ATP8B1: variants seen among roughly 807,000 people sequenced by gnomAD.
The protein encoded by ATP8B1 is phospholipid-transporting ATPase IC.
ATP8B1 carries 80 observed loss-of-function variants against 149.9 expected under a neutral mutation model. That is an observed-to-expected ratio of 0.53 (90% CI 0.45 to 0.64). The LOEUF (loss-of-function observed/expected upper bound fraction) is 0.64. Among genes scored for constraint, ATP8B1 ranks in the 30% least tolerant of loss-of-function variants. The pLI, the probability that ATP8B1 is intolerant of heterozygous loss-of-function variation, is 0.00. For synonymous variants in ATP8B1, 536 were observed against 562.8 expected, an observed-to-expected ratio of 0.95 and a Z score of 0.67; for missense variants, 1,247 against 1,552.6, an observed-to-expected ratio of 0.80 and a Z score of 3.31.
intron 12 of ATP8B1, among the ~76,000 whole-genome samples, chr18:57,690,241 C>G (rs939878393): frequency 5.9e-5 from 9 of 152,162 alleles, no homozygotes; most frequent in African/African-American, 1.9e-4. Context: ...GACAAAGGCC[C>G]TGTGCAGGAA....
chr18:57,668,554 TAA>T lies in ATP8B1; in HGVS notation c.2098-16_2098-15del, dbSNP rs34422185. ...AGCTCCCAGGAGCTAGAATGTATATTAAAAAAAAAAAAAAAAGGAATTAGCAA... is the reference window on the plus strand; with the variant it reads ...AGCTCCCAGGAGCTAGAATGTATATTAAAAAAAAAAAAAAGGAATTAGCAA... On this transcript the variant is annotated splice_polypyrimidine_tract_variant and intron_variant, in intron 18 of 27. Transcript: ENST00000648908. 58 of 644,830 alleles carry T rather than the reference TAA, an allele frequency of 9.0e-5. No individual in the cohort carries two copies. The highest frequency in any genetic ancestry group is 7.2e-4 in the African/African-American group (30 of 41,800). 39.9% of individuals were successfully genotyped at this position (644,830 alleles called of 1,614,324 possible).
intron 1 of ATP8B1, among the ~76,000 whole-genome samples, chr18:57,764,755 G>A (rs1446955561): frequency 2.0e-5 from 1 of 50,768 alleles, no homozygotes; most frequent in Non-Finnish European, 3.7e-5. Flanking sequence ...ACTTTCAGTT[G>A]TCAAAAAAAA....
chr18:57,736,787 T>C (rs1036636323), intron 1 of ATP8B1, among the ~76,000 whole-genome samples: 1 of 152,054 alleles, frequency 6.6e-6, no homozygotes, highest in Non-Finnish European at 1.5e-5. Flanking sequence ...CTTTTGTGTA[T>C]GGTGAGAGAC....
In ATP8B1 at chr18:57,671,185, A is replaced by G. The variant is rs544332154; in HGVS notation, c.1932+283T>C. On this transcript the variant is annotated intron_variant, in intron 17 of 27. Transcript: ENST00000648908. ...CTAGTATGGTTATGTAGCTTGCTCA[A>G]GGCCACTGGAAGAGAGCTAAGCCAT... 2.0e-5 allele frequency among the ~76,000 whole-genome samples: 3 copies of G among 152,336 alleles called. No homozygotes were observed. The East Asian group carries it at 5.8e-4, about 29-fold the overall frequency.
intron 1 of ATP8B1, among the ~76,000 whole-genome samples, chr18:57,782,107 G>A (rs1462506462): frequency 6.6e-6 from 1 of 152,258 alleles, no homozygotes; most frequent in Non-Finnish European, 1.5e-5. Context: ...GCACATGGGA[G>A]GCCTCTGCCA....
chr18:57,653,198 A>G (rs1209435916), intron 24 of ATP8B1, among the ~76,000 whole-genome samples: 1 of 152,104 alleles, frequency 6.6e-6, no homozygotes, highest in Non-Finnish European at 1.5e-5. Context: ...AATTTTGGAA[A>G]GGATTTAAAC....
chr18:57,668,282 G>A (rs1334754420), intron 19 of ATP8B1, 147 bp downstream of exon 19: 1 of 1,334,098 alleles, frequency 7.5e-7, no homozygotes, highest in Non-Finnish European at 1.0e-6. Flanking sequence ...GAAAAACAGA[G>A]GAGGGTTTCT....
chr18:57,654,747 C>T (rs1215247340), intron 23 of ATP8B1, among the ~76,000 whole-genome samples: 3 of 141,818 alleles, frequency 2.1e-5, no homozygotes, highest in Admixed American at 7.3e-5. Context: ...AGTGCAATAG[C>T]GCAGTCTCGG....
intron 1 of ATP8B1, among the ~76,000 whole-genome samples, chr18:57,735,970 C>T (rs939062259): frequency 7.0e-6 from 1 of 143,648 alleles, no homozygotes; most frequent in Non-Finnish European, 1.5e-5. Flanking sequence ...ATTCCTTGCC[C>T]CCCCCACCCC....
chr18:57,766,900 A>G (rs922756044), intron 1 of ATP8B1, among the ~76,000 whole-genome samples: 6 of 152,224 alleles, frequency 3.9e-5, no homozygotes, highest in African/African-American at 1.4e-4. Flanking sequence ...GTCTAACCTG[A>G]GACCTACAGG....
At chr18:57,795,991 A>G (rs1297689094) in intron 1 of ATP8B1, among the ~76,000 whole-genome samples, 1 of 152,148 alleles carries the variant, frequency 6.6e-6, no homozygotes, top group African/African-American at 2.4e-5. Flanking sequence ...CAACATGGTG[A>G]AACCCTGTCT....
chr18:57,753,214 C>T (rs1157524479), intron 1 of ATP8B1, among the ~76,000 whole-genome samples: 1 of 152,190 alleles, frequency 6.6e-6, no homozygotes. Context: ...AAAGTATACT[C>T]AGCAAACCAC....
At chr18:57,794,154 G>GTGTTT (rs1390920890) in intron 1 of ATP8B1, among the ~76,000 whole-genome samples, 2 of 152,200 alleles carry the variant, frequency 1.3e-5, no homozygotes, top group South Asian at 2.1e-4. Flanking sequence ...GAGTTTTTGT[G>GTGTTT]TGTTTTGTTT....
intron 1 of ATP8B1, among the ~76,000 whole-genome samples, chr18:57,792,094 T>C (rs533676545): frequency 2.5e-4 from 38 of 152,326 alleles, no homozygotes; most frequent in African/African-American, 9.1e-4. Flanking sequence ...GGTGAGCCAA[T>C]GCATACTTAC....
At chr18:57,781,886 G>A (rs1307446785) in intron 1 of ATP8B1, among the ~76,000 whole-genome samples, 1 of 152,262 alleles carries the variant, frequency 6.6e-6, no homozygotes, top group African/African-American at 2.4e-5. Flanking sequence ...TCAGGAGGCT[G>A]AGGCTGGAGG....
At position 57,694,590 on chromosome 18, in the gene ATP8B1, C is replaced by A. The variant is rs1912708044; in HGVS notation, c.1021G>T (p.Val341Phe). 6.4e-7 allele frequency: 1 copy of A among 1,561,088 alleles called. No homozygotes were observed. Among genetic ancestry groups the A allele is most frequent in the Admixed American group, 1.7e-5 (1 of 59,794 alleles). The change falls in exon 11 of 28, where the codon GTT (valine) becomes TTT (phenylalanine). Residue 341 changes from valine to phenylalanine, a missense_variant. Val to Phe is a conservative substitution (Grantham distance 50, BLOSUM62 -1). Coordinates refer to ENST00000648908, the MANE Select transcript of ATP8B1 (RefSeq NM_001374385.1). ...AGATGAAAAATAAATACCGTGTAAA[C>A]CATGTAGTTCATCAAGTAATCAATT... Reference protein sequence around the residue: ...TKIDYLMNYMVYTIFVVLILL... With the variant: ...TKIDYLMNYMFYTIFVVLILL...
At chr18:57,796,789 C>T (rs940298644) in intron 1 of ATP8B1, among the ~76,000 whole-genome samples, 8 of 152,134 alleles carry the variant, frequency 5.3e-5, no homozygotes, top group Admixed American at 1.3e-4. Flanking sequence ...CGGATTCAAG[C>T]GATTCTCCTG....
chr18:57,662,775 A>G (rs1206052284), intron 20 of ATP8B1, among the ~76,000 whole-genome samples, 160 bp from the exon 21 acceptor site: 1 of 152,084 alleles, frequency 6.6e-6, no homozygotes, highest in African/African-American at 2.4e-5. Flanking sequence ...TTTTTTTGAG[A>G]GAGGGTCTCA....
chr18:57,695,747 T>G (rs1003707748), intron 8 of ATP8B1, among the ~76,000 whole-genome samples: 1 of 152,218 alleles, frequency 6.6e-6, no homozygotes, highest in African/African-American at 2.4e-5. Context: ...GTTGGTTCCC[T>G]TCACTGTTTG....
Sources: allele counts gnomAD v4.1 joint callset (sites outside exome capture counted in the v4.1 genomes callset), GRCh38; gene constraint gnomAD v4.1.1; transcripts MANE v1.5; gene names NCBI Gene and HGNC (gene_info 2026-07-23, HGNC 2026-07-21).